PXDC1: variants seen among roughly 807,000 people sequenced by gnomAD.
PXDC1 encodes the protein PX domain-containing protein 1.
A neutral mutation model predicts 24.4 loss-of-function variants in PXDC1; 13 were observed. The observed-to-expected ratio is 0.53, with a 90% CI of 0.35 to 0.85. PXDC1 has a LOEUF of 0.85. Ranked by LOEUF, PXDC1 falls within the 40% of genes least tolerant of loss-of-function variation. The pLI is 0.01. For missense variants in PXDC1, 344 were observed against 309.3 expected (o/e 1.11, Z -0.84); for synonymous variants, 162 against 124.9 (o/e 1.30, Z -1.98).
Position 3,737,941 on chromosome 6 carries a change from G to T in PXDC1, c.348+116C>A. On this transcript the variant is annotated intron_variant, in intron 2 of 4. Transcript: ENST00000380283. This position sits in a 1 kb window ranked among gnomAD's most constrained non-coding sequence, Gnocchi z 5.5. Reference sequence around the variant, plus strand: ...GGTACTACCAGGGAGGGAACAAAACGGCTAAGTGAGACAGAGCAAGCAAGT... The same window carrying T: ...GGTACTACCAGGGAGGGAACAAAACTGCTAAGTGAGACAGAGCAAGCAAGT... 4 of 872,536 alleles carry T rather than the reference G, an allele frequency of 4.6e-6. No individual in the cohort carries two copies. Among genetic ancestry groups the T allele is most frequent in the African/African-American group, 1.7e-5 (1 of 59,692 alleles). 54.0% of individuals were successfully genotyped at this position (872,536 alleles called of 1,614,324 possible). A position where few individuals can be genotyped will look rare whatever the true frequency, so the allele number is the denominator to read the frequency against.
rs147268471 is a variant in PXDC1 at position 3,748,885 on chromosome 6, C to T, written c.256+2391G>A. 8.5e-5 allele frequency among the ~76,000 whole-genome samples: 13 copies of T among 152,340 alleles called. No homozygotes were observed. In the East Asian group the frequency reaches 2.3e-3, roughly 27 times the overall value. On this transcript the variant is annotated intron_variant, in intron 1 of 4. Transcript: ENST00000380283. Reference sequence around the variant, plus strand: ...GCAGAGAAAAGCCGGCATTGCAGCACAGCAAAGCACACACATCTGGCTGCC... The same window carrying T: ...GCAGAGAAAAGCCGGCATTGCAGCATAGCAAAGCACACACATCTGGCTGCC...
intron 1 of PXDC1, chr6:3,739,088 T>C: frequency 8.5e-7 from 1 of 1,180,174 alleles, no homozygotes; most frequent in South Asian, 1.6e-5. Context: ...GACTAACTTT[T>C]TCAGAAGTTC....
intron 1 of PXDC1, among the ~76,000 whole-genome samples, chr6:3,745,690 T>G (rs949891949): frequency 1.3e-5 from 2 of 151,986 alleles, no homozygotes; most frequent in African/African-American, 4.8e-5. Flanking sequence ...AGCTGACCCC[T>G]CCTACCATGA....
chr6:3,737,062 TC>T lies in PXDC1; in HGVS notation c.466+16del, dbSNP rs1266198691. The T allele has an allele frequency of 6.7e-7, 1 of 1,490,748 alleles. No homozygotes were observed. The highest frequency in any genetic ancestry group is 2.3e-5 in the East Asian group (1 of 44,320). The allele number at this position is 1,490,748 out of a possible 1,614,324, so 92.3% of individuals were successfully genotyped here. ...AACAGCAGTCCCTCCCACCAACGCC[TC>T]CTTTGTGGCTCTTACCTGATATTTT... On this transcript the variant is annotated intron_variant, in intron 3 of 4. Transcript: ENST00000380283. This position sits in a 1 kb window ranked among gnomAD's most constrained non-coding sequence, Gnocchi z 5.5.
chr6:3,734,193 A>C (rs1034108015), intron 3 of PXDC1, among the ~76,000 whole-genome samples: 2 of 152,222 alleles, frequency 1.3e-5, no homozygotes, highest in African/African-American at 4.8e-5. Context: ...CTTAGGGTCC[A>C]CGTGGGCCAT....
At chr6:3,750,959 C>T (rs994721523) in intron 1 of PXDC1, among the ~76,000 whole-genome samples, 11 of 152,142 alleles carry the variant, frequency 7.2e-5, no homozygotes, top group African/African-American at 2.7e-4. Context: ...GCCGCTCAGC[C>T]CCGGGCGCCC....
In PXDC1 at chr6:3,751,403, C is replaced by A. The variant is rs140753077; in HGVS notation, c.129G>T (p.Thr43=). The change falls in exon 1 of 5, where the codon ACG becomes ACT. Residue 43 remains threonine (T), a synonymous_variant. Coordinates refer to ENST00000380283, the MANE Select transcript of PXDC1 (RefSeq NM_183373.4). ...AGAGCACGCTGCGGTCCGACCACTC[C>A]GTGCGGATCTCGAAGAACTCCTCTT... The part of the protein sequence containing the change: ...GDEEEFFEIR[T]EWSDRSVLYL... 257 of 1,576,336 alleles carry A rather than the reference C, an allele frequency of 1.6e-4. 4 individuals are homozygous for A. The South Asian group carries it at 2.8e-3, about 17-fold the overall frequency.
chr6:3,734,856 A>C lies in PXDC1; in HGVS notation c.466+2223T>G, dbSNP rs552418625. On this transcript the variant is annotated intron_variant, in intron 3 of 4. Coordinates refer to ENST00000380283, the MANE Select transcript of PXDC1 (RefSeq NM_183373.4). ...TCCCAGCACTTTGGGAGGCTAAGGC[A>C]GATGGATTGCTTGAGCTCAGGAGTT... Among the ~76,000 whole-genome samples the C allele has an allele frequency of 2.0e-5, 3 of 152,304 alleles. No homozygotes were observed. In the East Asian group the frequency reaches 5.8e-4, roughly 29 times the overall value.
chr6:3,738,050 C>G lies in PXDC1; in HGVS notation c.348+7G>C. The stretch of plus-strand genomic sequence containing the variant: ...CCCTGCCCAGCCCGGGGCCTGGCCA[C>G]ACTCACTTTACAGGGCATGCTTATG... On this transcript the variant is annotated splice_region_variant and intron_variant, in intron 2 of 4. Coordinates refer to ENST00000380283, the MANE Select transcript of PXDC1 (RefSeq NM_183373.4). 6.2e-7 allele frequency: 1 copy of G among 1,613,012 alleles called. No homozygotes were observed. The highest frequency in any genetic ancestry group is 1.7e-5 in the Admixed American group (1 of 59,990).
chr6:3,745,420 AC>A (rs1195323899), intron 1 of PXDC1, among the ~76,000 whole-genome samples: 1 of 152,266 alleles, frequency 6.6e-6, no homozygotes, highest in African/African-American at 2.4e-5. Context: ...TTCGGTACTC[AC>A]AACGGCCCTG....
chr6:3,730,323 C>T (rs754181775), intron 3 of PXDC1, among the ~76,000 whole-genome samples: 7 of 152,174 alleles, frequency 4.6e-5, no homozygotes, highest in South Asian at 2.1e-4. Context: ...ATTCCCAACA[C>T]GGGTTCAGAA....
At position 3,728,087 on chromosome 6, in the gene PXDC1, A is replaced by C. The variant is rs1760109254; in HGVS notation, c.467-425T>G. 6.6e-6 allele frequency among the ~76,000 whole-genome samples: 1 copy of C among 152,228 alleles called. No individual in the cohort carries two copies. Among genetic ancestry groups the C allele is most frequent in the South Asian group, 2.1e-4 (1 of 4,836 alleles). On this transcript the variant is annotated intron_variant, in intron 3 of 4. Transcript: ENST00000380283. This position sits in a 1 kb window ranked among gnomAD's most constrained non-coding sequence, Gnocchi z 4.0. The stretch of plus-strand genomic sequence containing the variant: ...TCTCACTGTGGCTGAGACATGAGTA[A>C]CAATATTGACTGCCCTGGGTTGTTG...
At chr6:3,747,454 G>A (rs1029741395) in intron 1 of PXDC1, among the ~76,000 whole-genome samples, 9 of 151,990 alleles carry the variant, frequency 5.9e-5, no homozygotes, top group African/African-American at 9.7e-5. Flanking sequence ...ATGTGACCAC[G>A]ACCTTCCTCT....
intron 3 of PXDC1, 81 bp from the exon 4 acceptor site, chr6:3,727,743 CCTG>C (rs1382485580): frequency 1.2e-6 from 1 of 843,306 alleles, no homozygotes; most frequent in Non-Finnish European, 2.0e-6. Flanking sequence ...CTCCCATCTC[CCTG>C]CTTTCTCCTC....
intron 1 of PXDC1, among the ~76,000 whole-genome samples, chr6:3,743,357 C>G (rs139950007): frequency 9.9e-5 from 15 of 152,282 alleles, no homozygotes; most frequent in Admixed American, 2.0e-4. Context: ...TGAGCTTTAA[C>G]AAACTGAGTC....
intron 3 of PXDC1, among the ~76,000 whole-genome samples, chr6:3,732,081 T>A (rs974821513): frequency 6.6e-6 from 1 of 152,262 alleles, no homozygotes; most frequent in Non-Finnish European, 1.5e-5. Context: ...TTTGCATCTA[T>A]CAATCAATGG....
chr6:3,739,498 G>C (rs528653249), intron 1 of PXDC1, among the ~76,000 whole-genome samples: 1 of 152,368 alleles, frequency 6.6e-6, no homozygotes, highest in South Asian at 2.1e-4. Flanking sequence ...CAGCTGTGCA[G>C]GGCACAAGGG....
intron 1 of PXDC1, among the ~76,000 whole-genome samples, chr6:3,738,436 C>T (rs1014371551): frequency 1.9e-4 from 29 of 152,268 alleles, no homozygotes; most frequent in Middle Eastern, 3.4e-3. Context: ...GGCAGCCTGG[C>T]AAACTCCATA....
Position 3,737,906 on chromosome 6 carries a change from C to A in PXDC1, c.348+151G>T. ...TACACCTGCACACCTCCACTCCGTCCCTATCGCCTGGTACTACCAGGGAGG... is the reference window on the plus strand; with the variant it reads ...TACACCTGCACACCTCCACTCCGTCACTATCGCCTGGTACTACCAGGGAGG... On this transcript the variant is annotated intron_variant, in intron 2 of 4. Transcript: ENST00000380283. The surrounding 1 kb of genome is among the most constrained non-coding windows in gnomAD (Gnocchi z 5.5). The A allele has an allele frequency of 1.4e-6, 1 of 723,470 alleles. No homozygotes were observed. Among genetic ancestry groups the A allele is most frequent in the East Asian group, 2.6e-5 (1 of 38,842 alleles). The allele number at this position is 723,470 out of a possible 1,614,324, so 44.8% of individuals were successfully genotyped here. A position where few individuals can be genotyped will look rare whatever the true frequency, so the allele number is the denominator to read the frequency against.
Sources: allele counts gnomAD v4.1 joint callset (sites outside exome capture counted in the v4.1 genomes callset), GRCh38; gene constraint gnomAD v4.1.1; non-coding constraint Gnocchi (gnomAD v3.1); transcripts MANE v1.5; gene names NCBI Gene and HGNC (gene_info 2026-07-23, HGNC 2026-07-21).